CD226: variants seen among roughly 807,000 people sequenced by gnomAD.
CD226 encodes CD226 antigen.
In CD226, 24 loss-of-function variants were observed where a neutral mutation model predicts 34.9. The ratio of observed to expected loss-of-function variants is 0.69; its 90% CI spans 0.50 to 0.97. CD226 has a LOEUF of 0.97. Among genes scored for constraint, CD226 ranks in the 50% least tolerant of loss-of-function variants. The probability of loss-of-function intolerance (pLI) is 0.00; values close to 1 mark genes in which losing one functional copy is unlikely to be tolerated. For missense variants in CD226, 397 were observed against 412.7 expected (o/e 0.96, Z 0.33); for synonymous variants, 148 against 147.4 (o/e 1.00, Z -0.03).
At chr18:69,867,450 AT>A (rs768229053) in intron 4 of CD226, 39 bp from the exon 5 acceptor site, 7 of 1,253,776 alleles carry the variant, frequency 5.6e-6, no homozygotes, top group Admixed American at 1.7e-5. Flanking sequence ...AAGATATGAT[AT>A]TCCAGTACTA....
intron 2 of CD226, among the ~76,000 whole-genome samples, chr18:69,914,709 A>G (rs2055365072): frequency 1.3e-5 from 2 of 152,196 alleles, no homozygotes; most frequent in Admixed American, 6.5e-5. Flanking sequence ...AGTAACTAAC[A>G]CAAATAACCA....
chr18:69,899,668 T>C (rs894371680), intron 2 of CD226, among the ~76,000 whole-genome samples: 5 of 152,160 alleles, frequency 3.3e-5, no homozygotes, highest in African/African-American at 1.2e-4. Flanking sequence ...CCAACAAGCA[T>C]ATGACAAAAA....
At chr18:69,939,781 T>C (rs1184875336) in intron 2 of CD226, among the ~76,000 whole-genome samples, 1 of 152,204 alleles carries the variant, frequency 6.6e-6, no homozygotes, top group African/African-American at 2.4e-5. Flanking sequence ...GCCTCCATAA[T>C]GTAGGTGAGC....
At position 69,873,212 on chromosome 18, in the gene CD226, A is replaced by G. The variant is rs1367747612; in HGVS notation, c.762T>C (p.Ala254=). 1 of 1,608,402 alleles carries G rather than the reference A, an allele frequency of 6.2e-7. No homozygotes were observed. The highest frequency in any genetic ancestry group is 2.2e-5 in the East Asian group (1 of 44,810). The change falls in exon 4 of 6, where the codon GCT becomes GCC. Residue 254 remains alanine (A), a synonymous_variant. Transcript: ENST00000582621. The part of the protein sequence containing the change: ...KTDNQYTLFV[A]GGTVLLLLFV... Reference sequence around the variant, plus strand: ...ACAACAACAATAAAACTGTCCCTCCAGCCACAAAGAGGGTATATTGGTTAT... The same window carrying G: ...ACAACAACAATAAAACTGTCCCTCCGGCCACAAAGAGGGTATATTGGTTAT...
intron 2 of CD226, among the ~76,000 whole-genome samples, chr18:69,935,032 G>C (rs2145341036): frequency 6.6e-6 from 1 of 152,246 alleles, no homozygotes; most frequent in South Asian, 2.1e-4. Context: ...CCATAACTTA[G>C]AAACCAGATC....
At chr18:69,920,038 A>T (rs1568193235) in intron 2 of CD226, among the ~76,000 whole-genome samples, 1 of 151,776 alleles carries the variant, frequency 6.6e-6, no homozygotes, top group Admixed American at 6.6e-5. Context: ...TAATTTTTAT[A>T]TTTTTTTGTA....
chr18:69,892,685 T>C (rs1984976108), intron 3 of CD226, among the ~76,000 whole-genome samples: 1 of 152,128 alleles, frequency 6.6e-6, no homozygotes, highest in East Asian at 1.9e-4. Context: ...GGGTCCTCTG[T>C]TGAGTGACCT....
intron 3 of CD226, among the ~76,000 whole-genome samples, chr18:69,879,018 G>A (rs945013214): frequency 1.1e-4 from 16 of 152,108 alleles, no homozygotes; most frequent in African/African-American, 2.2e-4. Flanking sequence ...CTCCTGAGCC[G>A]TAAAACCAGC....
At chr18:69,895,379 G>A (rs1034886658) in intron 3 of CD226, among the ~76,000 whole-genome samples, 2 of 152,154 alleles carry the variant, frequency 1.3e-5, no homozygotes, top group African/African-American at 2.4e-5. Flanking sequence ...TAATTGGGAA[G>A]ATAGGAGTTC....
chr18:69,928,232 C>T (rs1297681844), intron 2 of CD226, among the ~76,000 whole-genome samples: 5 of 152,168 alleles, frequency 3.3e-5, no homozygotes, highest in Non-Finnish European at 5.9e-5. Flanking sequence ...GGAATTCATA[C>T]GTTTCCTATG....
chr18:69,897,750 G>C (rs1985382736), intron 2 of CD226, among the ~76,000 whole-genome samples: 1 of 152,208 alleles, frequency 6.6e-6, no homozygotes, highest in African/African-American at 2.4e-5. Flanking sequence ...TTTCGAAAGA[G>C]AGAATGAAAG....
rs572684754 is a variant in CD226 at position 69,890,171 on chromosome 18, G to T, written c.727+5530C>A. Among the ~76,000 whole-genome samples the T allele has an allele frequency of 3.8e-4, 58 of 152,312 alleles. 1 individual carries two copies. Among genetic ancestry groups the T allele is most frequent in the African/African-American group, 1.3e-3 (53 of 41,578 alleles). On this transcript the variant is annotated intron_variant, in intron 3 of 5. Coordinates refer to ENST00000582621, the MANE Select transcript of CD226 (RefSeq NM_001303618.2). ...AAATGGACACAGCCCCTACTAGAATGAATAGAAACATTAACATAATCGGTC... is the reference window on the plus strand; with the variant it reads ...AAATGGACACAGCCCCTACTAGAATTAATAGAAACATTAACATAATCGGTC...
intron 3 of CD226, among the ~76,000 whole-genome samples, chr18:69,885,867 C>A (rs2145218718): frequency 6.6e-6 from 1 of 152,268 alleles, no homozygotes; most frequent in East Asian, 1.9e-4. Flanking sequence ...CCCCTCATAG[C>A]ATTGGCGTCA....
At chr18:69,943,940 C>CAT (rs2055757500) in intron 2 of CD226, among the ~76,000 whole-genome samples, 1 of 151,428 alleles carries the variant, frequency 6.6e-6, no homozygotes. Flanking sequence ...TCTTACAATC[C>CAT]ATTATACAAA....
chr18:69,895,335 T>C (rs941995539), intron 3 of CD226, among the ~76,000 whole-genome samples: 5 of 152,204 alleles, frequency 3.3e-5, no homozygotes, highest in Non-Finnish European at 7.3e-5. Context: ...GTGGGGATTC[T>C]AACACCTTAT....
upstream of CD226, among the ~76,000 whole-genome samples, chr18:69,959,341 T>G (rs947198159): frequency 1.3e-5 from 2 of 152,162 alleles, no homozygotes; most frequent in Admixed American, 6.5e-5. Flanking sequence ...CTCTCCAACA[T>G]TTTTTCATGA....
chr18:69,901,772 A>C (rs573264553), intron 2 of CD226, among the ~76,000 whole-genome samples: 1 of 151,996 alleles, frequency 6.6e-6, no homozygotes, highest in South Asian at 2.1e-4. Context: ...CCAGCTACTC[A>C]GGAGGCTGAG....
chr18:69,919,320 C>G (rs1311373469), intron 2 of CD226, among the ~76,000 whole-genome samples: 1 of 152,144 alleles, frequency 6.6e-6, no homozygotes, highest in African/African-American at 2.4e-5. Context: ...TCCAGAAACG[C>G]TGTCAGGGAG....
chr18:69,896,095 A>T (rs777227798), intron 2 of CD226, 50 bp from the exon 3 acceptor site: 10 of 1,557,350 alleles, frequency 6.4e-6, no homozygotes, highest in Non-Finnish European at 8.7e-6. Flanking sequence ...ATTTTGGGAC[A>T]CCCAACTGGA....
Sources: allele counts gnomAD v4.1 joint callset (sites outside exome capture counted in the v4.1 genomes callset), GRCh38; gene constraint gnomAD v4.1.1; transcripts MANE v1.5; gene names NCBI Gene and HGNC (gene_info 2026-07-23, HGNC 2026-07-21).